Variants in SH3KBP1 observed in about 807,000 individuals in gnomAD.
SH3KBP1 encodes the protein SH3 domain containing kinase binding protein 1, also known as SH3 domain-containing kinase-binding protein 1.
SH3KBP1 carries 8 observed loss-of-function variants against 50.1 expected under a neutral mutation model. That is an observed-to-expected ratio of 0.16 (90% CI 0.09 to 0.29). The LOEUF is 0.29. Among genes scored for constraint, SH3KBP1 ranks in the 10% least tolerant of loss-of-function variants. SH3KBP1 has a pLI of 1.00. For synonymous variants in SH3KBP1, 227 were observed against 218.6 expected (o/e 1.04, Z -0.34); for missense variants, 377 against 535.2 (o/e 0.70, Z 2.92).
intron 2 of SH3KBP1, among the ~76,000 whole-genome samples, chrX:19,761,763 C>T (rs909954744): frequency 8.9e-6 from 1 of 112,507 alleles, no homozygotes; most frequent in African/African-American, 3.2e-5. Flanking sequence ...CATCTTTTAG[C>T]AGCATATGAC....
At chrX:19,865,237 C>T (rs2068874230) in intron 1 of SH3KBP1, among the ~76,000 whole-genome samples, 1 of 112,434 alleles carries the variant, frequency 8.9e-6, no homozygotes, top group Non-Finnish European at 1.9e-5. Context: ...CACCCAAAAC[C>T]CACAGTGCAT....
At chrX:19,690,507 C>T (rs1416470730) in intron 5 of SH3KBP1, among the ~76,000 whole-genome samples, 2 of 112,154 alleles carry the variant, frequency 1.8e-5, no homozygotes, top group Admixed American at 1.9e-4. Context: ...AACTTTCTCC[C>T]TCTGAAGATT....
Position 19,546,058 on chromosome X carries a change from A to G in SH3KBP1, c.1495-8T>C. ...AGGGCTTGAAAGGGATGACTGATAA[A>G]GCCAAAAGAAAATGCTTTTGTCAGA... On this transcript the variant is annotated splice_polypyrimidine_tract_variant and splice_region_variant and intron_variant, in intron 14 of 17. Transcript: ENST00000397821. 8.3e-7 allele frequency: 1 copy of G among 1,210,673 alleles called. No individual in the cohort carries two copies. Among genetic ancestry groups the G allele is most frequent in the Admixed American group, 2.2e-5 (1 of 46,010 alleles).
At chrX:19,774,173 CTG>C (rs1569466120) in intron 2 of SH3KBP1, among the ~76,000 whole-genome samples, 1 of 111,337 alleles carries the variant, frequency 9.0e-6, no homozygotes, top group East Asian at 2.8e-4. Flanking sequence ...TCTTTTTTGA[CTG>C]TCTTTTTTTT....
At chrX:19,764,856 T>C (rs1476637186) in intron 2 of SH3KBP1, among the ~76,000 whole-genome samples, 1 of 106,860 alleles carries the variant, frequency 9.4e-6, no homozygotes, top group Non-Finnish European at 1.9e-5. Context: ...GTTGCCAGGC[T>C]GGAGTGCAGT....
intron 15 of SH3KBP1, among the ~76,000 whole-genome samples, chrX:19,545,072 A>G (rs1266361855): frequency 8.9e-6 from 1 of 112,716 alleles, no homozygotes; most frequent in Non-Finnish European, 1.9e-5. Context: ...ACTGTATCAG[A>G]TTTTTAAGAA....
Position 19,554,120 on chromosome X carries a change from T to C in SH3KBP1, c.1385-4037A>G, listed in dbSNP as rs1230439496. On this transcript the variant is annotated intron_variant, in intron 13 of 17. Coordinates refer to ENST00000397821, the MANE Select transcript of SH3KBP1 (RefSeq NM_031892.3). ...TATTATATATCATATTAAAATATAA[T>C]ATTATATATCATATTAAAATATATT... Among the ~76,000 whole-genome samples the C allele has an allele frequency of 6.9e-5, 4 of 58,271 alleles. 1 individual carries two copies. The highest frequency in any genetic ancestry group is 1.1e-4 in the Non-Finnish European group (4 of 36,641). The allele number at this position is 58,271 out of a possible 115,157, so 50.6% of individuals were successfully genotyped here. A position where few individuals can be genotyped will look rare whatever the true frequency, so the allele number is the denominator to read the frequency against.
intron 2 of SH3KBP1, among the ~76,000 whole-genome samples, chrX:19,826,300 C>T (rs1215767554): frequency 1.8e-5 from 2 of 111,675 alleles, no homozygotes; most frequent in African/African-American, 6.5e-5. Context: ...AGTTTATATC[C>T]TCTGGTGCCT....
chrX:19,619,467 AT>A (rs957809773), intron 8 of SH3KBP1, among the ~76,000 whole-genome samples: 5 of 111,854 alleles, frequency 4.5e-5, no homozygotes, highest in Middle Eastern at 4.6e-3. Context: ...GCACTTTTAC[AT>A]TTTTTTCCTG....
chrX:19,803,609 G>C (rs2066949925), intron 2 of SH3KBP1, among the ~76,000 whole-genome samples: 1 of 111,986 alleles, frequency 8.9e-6, no homozygotes, highest in Non-Finnish European at 1.9e-5. Context: ...CAAGTTAAAA[G>C]AGAGACACAA....
At chrX:19,725,428 G>A (rs1254834744) in intron 3 of SH3KBP1, among the ~76,000 whole-genome samples, 2 of 110,777 alleles carry the variant, frequency 1.8e-5, no homozygotes, top group Non-Finnish European at 3.8e-5. Flanking sequence ...CCATGATTCC[G>A]CTACTGCACT....
rs2068751730 is a variant in SH3KBP1 at position 19,860,406 on chromosome X, C to T, written c.5-24124G>A. ...TGTATAATTCTACTTATATGAGGTA[C>T]CCATAACAGCAAAATCATAGAGACA... On this transcript the variant is annotated intron_variant, in intron 1 of 17. Transcript: ENST00000397821. Among the ~76,000 whole-genome samples, 3 of 110,243 alleles carry T rather than the reference C, an allele frequency of 2.7e-5. No homozygotes were observed. The South Asian group carries it at 1.1e-3, about 42-fold the overall frequency.
In SH3KBP1 at chrX:19,746,410, A is replaced by C; in HGVS notation, c.194T>G (p.Leu65Arg). The C allele has an allele frequency of 8.3e-7, 1 of 1,204,036 alleles. No homozygotes were observed. Among genetic ancestry groups the C allele is most frequent in the Non-Finnish European group, 1.1e-6 (1 of 892,206 alleles). ...GGGCTTTTCTGGAGCTTTGTTGGTG[A>C]GAGGGTCTTTCTTCATCTCTTTCTT... Reference protein sequence around the residue: ...EIKKEMKKDPLTNKAPEKPLH... With the variant: ...EIKKEMKKDPRTNKAPEKPLH... Residue 65 changes from leucine (L) to arginine (R), a missense_variant, in exon 3 of 18, where the codon CTC (leucine) becomes CGC (arginine). This residue lies in a region of SH3KBP1 where 257 missense variants were observed against 374.2 expected (regional missense o/e 0.69). Transcript: ENST00000397821.
At chrX:19,671,007 G>T in intron 6 of SH3KBP1, 1 of 1,062,541 alleles carries the variant, frequency 9.4e-7, no homozygotes, top group Non-Finnish European at 1.2e-6. Flanking sequence ...AATGAGGAAT[G>T]GGGAGAACAA....
intron 1 of SH3KBP1, among the ~76,000 whole-genome samples, chrX:19,876,283 C>A (rs1338841656): frequency 1.8e-5 from 2 of 111,958 alleles, no homozygotes; most frequent in Non-Finnish European, 3.8e-5. Flanking sequence ...ATCGCTTGAA[C>A]CCGGGAGACA....
In SH3KBP1 at chrX:19,631,132, A is replaced by G. The variant is rs747252334; in HGVS notation, c.897+732T>C. Among the ~76,000 whole-genome samples the G allele has an allele frequency of 6.2e-5, 7 of 112,395 alleles. No individual in the cohort carries two copies. The East Asian group carries it at 2.0e-3, about 31-fold the overall frequency. ...CCCTGAATACAAGAATAAAACCACC[A>G]TACACATCTTCAAGACCATTCAGCT... On this transcript the variant is annotated intron_variant, in intron 8 of 17. Coordinates refer to ENST00000397821, the MANE Select transcript of SH3KBP1 (RefSeq NM_031892.3).
intron 6 of SH3KBP1, among the ~76,000 whole-genome samples, chrX:19,672,953 A>G (rs1247103144): frequency 4.4e-5 from 3 of 68,099 alleles, no homozygotes; most frequent in African/African-American, 6.2e-5. Flanking sequence ...GCTACTCAGG[A>G]GGCTGAGGCA....
chrX:19,780,749 G>C (rs1420360091), intron 2 of SH3KBP1, among the ~76,000 whole-genome samples: 2 of 109,032 alleles, frequency 1.8e-5, no homozygotes, highest in Non-Finnish European at 3.8e-5. Context: ...AGATCAGATA[G>C]TTGTAGACAT....
At chrX:19,853,187 A>G (rs1225358433) in intron 1 of SH3KBP1, among the ~76,000 whole-genome samples, 1 of 112,777 alleles carries the variant, frequency 8.9e-6, no homozygotes, top group Non-Finnish European at 1.9e-5. Flanking sequence ...TTTACAAAAG[A>G]AAAAAGAGTG....
Sources: gnomAD v4.1 joint callset for allele counts (sites outside exome capture counted in the v4.1 genomes callset) on GRCh38, gnomAD v4.1.1 for gene constraint, gnomAD v4.1.1 regional missense constraint, MANE v1.5 for transcripts, NCBI Gene and HGNC (gene_info 2026-07-23, HGNC 2026-07-21) for gene names.